STX6: variants seen among roughly 807,000 people sequenced by gnomAD.
The protein encoded by STX6 is syntaxin 6.
A neutral mutation model predicts 38.0 loss-of-function variants in STX6; 23 were observed. That is an observed-to-expected ratio of 0.60 (90% CI 0.43 to 0.86). The LOEUF (loss-of-function observed/expected upper bound fraction) is 0.86. STX6 is among the 40% of genes least tolerant of loss of function. The pLI is 0.00. For synonymous variants in STX6, 123 were observed against 107.5 expected, an observed-to-expected ratio of 1.14 and a Z score of -0.89; for missense variants, 274 against 312.9, an observed-to-expected ratio of 0.88 and a Z score of 0.94.
chr1:180,997,418 G>A (rs1655944570), intron 3 of STX6, among the ~76,000 whole-genome samples: 1 of 152,036 alleles, frequency 6.6e-6, no homozygotes, highest in African/African-American at 2.4e-5. Flanking sequence ...AGAAAAAATT[G>A]GGTTTGTGAC....
At chr1:181,012,090 T>C (rs1333681265) in intron 1 of STX6, among the ~76,000 whole-genome samples, 1 of 152,244 alleles carries the variant, frequency 6.6e-6, no homozygotes, top group African/African-American at 2.4e-5. Flanking sequence ...AAGCAGTATA[T>C]ACCTTGAAGC....
At chr1:181,000,220 C>T (rs994825924) in intron 3 of STX6, among the ~76,000 whole-genome samples, 4 of 152,168 alleles carry the variant, frequency 2.6e-5, no homozygotes, top group African/African-American at 9.7e-5. Context: ...TCTAAAAGGA[C>T]AGTAAGATTT....
chr1:181,020,399 G>A (rs1346643393), intron 1 of STX6, among the ~76,000 whole-genome samples: 1 of 152,116 alleles, frequency 6.6e-6, no homozygotes, highest in Non-Finnish European at 1.5e-5. Flanking sequence ...ATGTATTAGA[G>A]ATTACATTAG....
Position 180,988,276 on chromosome 1 carries a change from A to T in STX6, c.559T>A (p.Ser187Thr), listed in dbSNP as rs765805564. ...TCCAGCTCCCCTCCGATGCGCTGGGACATGTTCTTCAGCACCCCGATGCTG... is the reference window on the plus strand; with the variant it reads ...TCCAGCTCCCCTCCGATGCGCTGGGTCATGTTCTTCAGCACCCCGATGCTG... ...SGSIGVLKNM[S>T]QRIGGELEEQ... The change falls in exon 6 of 8, where the codon TCC becomes ACC. Residue 187 changes from serine to threonine, a missense_variant. Transcript: ENST00000258301. The T allele has an allele frequency of 3.9e-5, 63 of 1,613,904 alleles. No homozygotes were observed. In the South Asian group the frequency reaches 6.7e-4, roughly 17 times the overall value.
At chr1:181,015,948 C>T (rs370293453) in intron 1 of STX6, among the ~76,000 whole-genome samples, 1 of 152,188 alleles carries the variant, frequency 6.6e-6, no homozygotes, top group South Asian at 2.1e-4. Context: ...CATGAGCCAT[C>T]GCACCTGGCC....
intron 1 of STX6, among the ~76,000 whole-genome samples, chr1:181,011,413 G>A (rs1483222216): frequency 6.6e-6 from 1 of 152,190 alleles, no homozygotes; most frequent in Non-Finnish European, 1.5e-5. Context: ...GCATGAACTG[G>A]AAGCAGAAAA....
At chr1:181,010,274 T>C (rs1299735095) in intron 1 of STX6, among the ~76,000 whole-genome samples, 2 of 152,196 alleles carry the variant, frequency 1.3e-5, no homozygotes, top group Non-Finnish European at 2.9e-5. Context: ...CAAGATTTTA[T>C]AAAATTATTA....
intron 7 of STX6, among the ~76,000 whole-genome samples, chr1:180,978,054 T>C (rs930992416): frequency 6.6e-6 from 1 of 152,230 alleles, no homozygotes; most frequent in African/African-American, 2.4e-5. Flanking sequence ...GATGGCCTAC[T>C]GCAGGTCACA....
intron 7 of STX6, among the ~76,000 whole-genome samples, chr1:180,981,659 T>C (rs934005915): frequency 2.6e-5 from 4 of 152,184 alleles, no homozygotes; most frequent in Middle Eastern, 3.2e-3. Context: ...GAGAAGCATA[T>C]ACCACACAAG....
chr1:181,005,678 T>C (rs1419779301), intron 1 of STX6, among the ~76,000 whole-genome samples: 1 of 152,230 alleles, frequency 6.6e-6, no homozygotes, highest in Non-Finnish European at 1.5e-5. Flanking sequence ...ATAGCCATTA[T>C]TTAAGCAGCT....
intron 3 of STX6, among the ~76,000 whole-genome samples, chr1:180,997,261 T>C (rs905839174): frequency 6.6e-6 from 1 of 152,330 alleles, no homozygotes; most frequent in South Asian, 2.1e-4. Flanking sequence ...AATAAACGTA[T>C]GCAACTATTA....
intron 1 of STX6, among the ~76,000 whole-genome samples, chr1:181,019,908 A>C (rs1475703487): frequency 6.6e-6 from 1 of 152,124 alleles, no homozygotes; most frequent in African/African-American, 2.4e-5. Context: ...CACGCCTGTA[A>C]TCACAGCACT....
At chr1:181,014,330 G>A (rs1047114316) in intron 1 of STX6, among the ~76,000 whole-genome samples, 2 of 151,682 alleles carry the variant, frequency 1.3e-5, no homozygotes, top group Admixed American at 6.6e-5. Flanking sequence ...GGAGGCGAAG[G>A]TTGCAGTAAG....
intron 3 of STX6, among the ~76,000 whole-genome samples, chr1:181,002,165 C>CT (rs1246905957): frequency 6.6e-6 from 1 of 151,958 alleles, no homozygotes; most frequent in Non-Finnish European, 1.5e-5. Context: ...AAACAGATTT[C>CT]TTTTTCTTCA....
At chr1:180,984,830 G>T in intron 6 of STX6, 59 bp from the exon 7 acceptor site, 1 of 744,680 alleles carries the variant, frequency 1.3e-6, no homozygotes, top group Non-Finnish European at 2.4e-6. Context: ...CAGTGCACTT[G>T]CACTGGGTTA....
chr1:180,992,999 G>A (rs34038022), intron 4 of STX6, among the ~76,000 whole-genome samples: 4,369 of 152,280 alleles, frequency 0.029, 100 homozygotes, highest in Middle Eastern at 0.085. Context: ...GAGCCCAGCA[G>A]AGAGAAAGAC....
At chr1:181,022,127 C>G (rs1656748228) in intron 1 of STX6, among the ~76,000 whole-genome samples, 1 of 150,910 alleles carries the variant, frequency 6.6e-6, no homozygotes, top group African/African-American at 2.4e-5. Context: ...AGCAAACGTG[C>G]TCAGACGCCT....
intron 1 of STX6, among the ~76,000 whole-genome samples, chr1:181,012,252 C>T (rs1012640677): frequency 2.6e-5 from 4 of 152,304 alleles, no homozygotes; most frequent in Non-Finnish European, 4.4e-5. Context: ...TAGCTGCTGA[C>T]CCAGAGAAGC....
chr1:181,012,665 TTCCATTC>T (rs1316420423), intron 1 of STX6, among the ~76,000 whole-genome samples: 1 of 119,316 alleles, frequency 8.4e-6, no homozygotes, highest in East Asian at 2.3e-4. Context: ...ATTCAGATTC[TTCCATTC>T]TTTTTTTTTT....
Sources: allele counts gnomAD v4.1 joint callset (sites outside exome capture counted in the v4.1 genomes callset), GRCh38; gene constraint gnomAD v4.1.1; transcripts MANE v1.5; gene names NCBI Gene and HGNC (gene_info 2026-07-23, HGNC 2026-07-21).